Variants in SIK3 observed in about 807,000 individuals in gnomAD.
The protein encoded by SIK3 is SIK family kinase 3.
Under a neutral mutation model 144.2 loss-of-function variants are expected in SIK3, and 28 were observed. The observed-to-expected ratio is 0.19, with a 90% CI of 0.14 to 0.27. The LOEUF (loss-of-function observed/expected upper bound fraction) is 0.27. SIK3 is among the 10% of genes least tolerant of loss of function. SIK3 has a pLI of 1.00. For missense variants in SIK3, 1,319 were observed against 1,776.0 expected (o/e 0.74, Z 4.62); for synonymous variants, 686 against 676.3 (o/e 1.01, Z -0.22).
chr11:117,043,686 T>C (rs1952840163), intron 1 of SIK3, among the ~76,000 whole-genome samples: 2 of 152,198 alleles, frequency 1.3e-5, no homozygotes, highest in African/African-American at 2.4e-5. Flanking sequence ...TGTTCAGCCA[T>C]AGGGTTTCAT....
At chr11:116,871,465 C>T (rs1233185273) in intron 13 of SIK3, among the ~76,000 whole-genome samples, 1 of 152,148 alleles carries the variant, frequency 6.6e-6, no homozygotes, top group East Asian at 1.9e-4. Flanking sequence ...GAATAACACA[C>T]TAAGAAGTTT....
intron 4 of SIK3, among the ~76,000 whole-genome samples, chr11:116,905,629 ATTAC>A (rs1201840708): frequency 6.6e-6 from 1 of 152,166 alleles, no homozygotes; most frequent in Non-Finnish European, 1.5e-5. Flanking sequence ...CTTTATTATT[ATTAC>A]TTATTATTGT....
At chr11:117,059,921 GC>G (rs1953717861) in intron 1 of SIK3, among the ~76,000 whole-genome samples, 1 of 152,168 alleles carries the variant, frequency 6.6e-6, no homozygotes, top group African/African-American at 2.4e-5. Flanking sequence ...AAATAGTACA[GC>G]CACTTTGTAA....
chr11:116,861,761 TCCATATCTC>T, intron 18 of SIK3, 71 bp downstream of exon 18: 2 of 889,964 alleles, frequency 2.2e-6, no homozygotes, highest in Non-Finnish European at 3.6e-6. Context: ...CTCAAGTCAG[TCCATATCTC>T]CCAGTGAGTC....
At chr11:117,000,038 CATG>C (rs1950796921) in intron 1 of SIK3, among the ~76,000 whole-genome samples, 1 of 152,054 alleles carries the variant, frequency 6.6e-6, no homozygotes, top group Non-Finnish European at 1.5e-5. Flanking sequence ...TTTGATTGTG[CATG>C]ATATGTAAGT....
intron 8 of SIK3, 36 bp downstream of exon 8, chr11:116,876,217 T>A (rs754501778): frequency 3.1e-5 from 49 of 1,584,962 alleles, no homozygotes; most frequent in Non-Finnish European, 3.6e-5. Context: ...GAGGAACTGC[T>A]ACATCCCACT....
chr11:116,857,453 C>T (rs183167801), intron 21 of SIK3: 377 of 252,634 alleles, frequency 1.5e-3, no homozygotes, highest in Admixed American at 3.5e-3. Flanking sequence ...TGTTCCCACA[C>T]TATTTACACT....
At chr11:116,904,849 A>G (rs1436185640) in intron 4 of SIK3, 1 of 164,014 alleles carries the variant, frequency 6.1e-6, no homozygotes, top group South Asian at 2.1e-4. Flanking sequence ...AAGCGCTGGG[A>G]TTACAGGCAT....
At chr11:116,913,294 GA>G (rs980037009) in intron 4 of SIK3, among the ~76,000 whole-genome samples, 289 of 142,702 alleles carry the variant, frequency 2.0e-3, no homozygotes, top group African/African-American at 4.6e-3. Flanking sequence ...TTCCTTCAAG[GA>G]AAAAAAAAAA....
intron 21 of SIK3, among the ~76,000 whole-genome samples, chr11:116,851,738 T>TA (rs571027963): frequency 6.5e-4 from 99 of 152,324 alleles, no homozygotes; most frequent in African/African-American, 2.3e-3. Context: ...TCTGTGGGAT[T>TA]AGCCCGCCCG....
In SIK3 at chr11:116,863,408, T is replaced by C. The variant is rs764433740; in HGVS notation, c.2103+260A>G. Among the ~76,000 whole-genome samples, 46 of 152,228 alleles carry C rather than the reference T, an allele frequency of 3.0e-4. 1 individual carries two copies. The highest frequency in any genetic ancestry group is 1.0e-3 in the African/African-American group (42 of 41,530). ...TGGGACTATGCTAATTTTTAATCTT[T>C]TGGGGGAGAAAGGGTTTGCCACGTT... On this transcript the variant is annotated intron_variant, in intron 16 of 24. Coordinates refer to ENST00000445177, the MANE Select transcript of SIK3 (RefSeq NM_001366686.3).
At chr11:117,095,902 T>G (rs1430243725) in intron 1 of SIK3, among the ~76,000 whole-genome samples, 1 of 152,184 alleles carries the variant, frequency 6.6e-6, no homozygotes, top group East Asian at 1.9e-4. Flanking sequence ...ATTCAAGACT[T>G]TGAATATTTC....
intron 1 of SIK3, among the ~76,000 whole-genome samples, chr11:117,012,607 C>T (rs1389845862): frequency 6.6e-6 from 1 of 152,166 alleles, no homozygotes; most frequent in African/African-American, 2.4e-5. Context: ...TTCCCTCTTT[C>T]CCATTTTTCT....
intron 4 of SIK3, among the ~76,000 whole-genome samples, chr11:116,913,109 T>C (rs566218783): frequency 6.6e-6 from 1 of 150,578 alleles, no homozygotes; most frequent in Non-Finnish European, 1.5e-5. Flanking sequence ...AAAGGATGAG[T>C]TTCAAAGTTC....
At chr11:116,888,021 G>A (rs1944916572) in intron 6 of SIK3, among the ~76,000 whole-genome samples, 1 of 152,156 alleles carries the variant, frequency 6.6e-6, no homozygotes, top group Non-Finnish European at 1.5e-5. Flanking sequence ...ACTGACAATA[G>A]AGAGCAGCTT....
chr11:116,950,013 C>T (rs547816313), intron 3 of SIK3: 15 of 433,966 alleles, frequency 3.5e-5, no homozygotes, highest in South Asian at 4.9e-5. Context: ...GGATGGAGAG[C>T]GGGGGAGGAC....
chr11:117,098,296 G>T lies in SIK3; in HGVS notation c.120C>A (p.Ala40=). 8.3e-7 allele frequency: 1 copy of T among 1,197,932 alleles called. No individual in the cohort carries two copies. Among genetic ancestry groups the T allele is most frequent in the Non-Finnish European group, 1.0e-6 (1 of 965,696 alleles). 74.2% of individuals were successfully genotyped at this position (1,197,932 alleles called of 1,614,324 possible). A position where few individuals can be genotyped will look rare whatever the true frequency, so the allele number is the denominator to read the frequency against. ...PAPGSPAAPA[A]VSPAAGQPRP... ...GCGGCTGGCCGGCCGCAGGGGACACGGCAGCGGGGGCGGCTGGGGACCCCG... is the reference window on the plus strand; with the variant it reads ...GCGGCTGGCCGGCCGCAGGGGACACTGCAGCGGGGGCGGCTGGGGACCCCG... The change falls in exon 1 of 25, where the codon GCC becomes GCA. Residue 40 remains alanine (A), a synonymous_variant. Transcript: ENST00000445177.
chr11:116,977,490 T>C (rs1364040080), intron 1 of SIK3, among the ~76,000 whole-genome samples: 1 of 152,140 alleles, frequency 6.6e-6, no homozygotes, highest in Non-Finnish European at 1.5e-5. Flanking sequence ...CGAAGAAATC[T>C]AGGGTTTCTT....
chr11:117,064,434 A>T lies in SIK3; in HGVS notation c.273+33709T>A, dbSNP rs149525524. On this transcript the variant is annotated intron_variant, in intron 1 of 24. Coordinates refer to ENST00000445177, the MANE Select transcript of SIK3 (RefSeq NM_001366686.3). ...TTGCTGACTCAAAGCCATCTTGGGC[A>T]ATAAAGACTGGTTCAGCATTCTTCC... Among the ~76,000 whole-genome samples the T allele has an allele frequency of 4.1e-3, 621 of 152,360 alleles. 2 individuals are homozygous for T. Among genetic ancestry groups the T allele is most frequent in the Non-Finnish European group, 7.0e-3 (475 of 68,038 alleles).
Sources: allele counts gnomAD v4.1 joint callset (sites outside exome capture counted in the v4.1 genomes callset), GRCh38; gene constraint gnomAD v4.1.1; transcripts MANE v1.5; gene names NCBI Gene and HGNC (gene_info 2026-07-23, HGNC 2026-07-21).